The following SMARCC1 variants were observed in gnomAD, a reference collection of about 807,000 sequenced individuals.
SMARCC1 encodes the protein SWI/SNF related BAF chromatin remodeling complex subunit C1.
SMARCC1 carries 43 observed loss-of-function variants against 147.4 expected under a neutral mutation model. The observed-to-expected ratio is 0.29, with a 90% CI of 0.23 to 0.38. The LOEUF is 0.38. Among genes scored for constraint, SMARCC1 ranks in the 10% least tolerant of loss-of-function variants. The pLI is 1.00. For synonymous variants in SMARCC1, 495 were observed against 484.4 expected, an observed-to-expected ratio of 1.02 and a Z score of -0.29; for missense variants, 1,119 against 1,381.1, an observed-to-expected ratio of 0.81 and a Z score of 3.01.
intron 14 of SMARCC1, among the ~76,000 whole-genome samples, chr3:47,682,065 C>A (rs1422238222): frequency 2.0e-5 from 3 of 151,798 alleles, no homozygotes; most frequent in African/African-American, 4.8e-5. Flanking sequence ...GAAATTCACA[C>A]ACACACTTTT....
intron 26 of SMARCC1, among the ~76,000 whole-genome samples, chr3:47,607,521 T>C (rs2032495141): frequency 6.6e-6 from 1 of 152,146 alleles, no homozygotes; most frequent in Admixed American, 6.6e-5. Flanking sequence ...CAAGATGACT[T>C]TCACTAGACT....
At chr3:47,678,332 TCATAAGGTGGA>T in intron 15 of SMARCC1, 21 bp from the exon 16 acceptor site, 1 of 1,290,118 alleles carries the variant, frequency 7.8e-7, no homozygotes, top group South Asian at 1.3e-5. Flanking sequence ...ATGGCAAAAT[TCATAAGGTGGA>T]CATGTATCCT....
intron 5 of SMARCC1, among the ~76,000 whole-genome samples, chr3:47,729,598 C>T (rs1222195001): frequency 3.3e-5 from 5 of 152,134 alleles, no homozygotes; most frequent in African/African-American, 1.2e-4. Context: ...GTTGGTCAGG[C>T]TGGTCTTGAA....
At chr3:47,621,759 T>C (rs777531292) in intron 25 of SMARCC1, among the ~76,000 whole-genome samples, 24 of 148,514 alleles carry the variant, frequency 1.6e-4, no homozygotes, top group Non-Finnish European at 1.0e-4. Flanking sequence ...CATCATACAA[T>C]ATATCCATGT....
intron 24 of SMARCC1, among the ~76,000 whole-genome samples, chr3:47,625,348 G>T (rs926259146): frequency 1.3e-5 from 2 of 151,780 alleles, no homozygotes; most frequent in South Asian, 2.1e-4. Flanking sequence ...AAAAAAGAAA[G>T]ACCAGCCTCC....
At chr3:47,748,381 T>C (rs975734521) in intron 2 of SMARCC1, among the ~76,000 whole-genome samples, 1 of 151,776 alleles carries the variant, frequency 6.6e-6, no homozygotes, top group Non-Finnish European at 1.5e-5. Flanking sequence ...GCCTGGCTAA[T>C]TTTTTTTCTG....
intron 26 of SMARCC1, among the ~76,000 whole-genome samples, chr3:47,607,335 G>A (rs757840067): frequency 2.6e-5 from 4 of 152,022 alleles, no homozygotes; most frequent in African/African-American, 4.8e-5. Context: ...CCTGTTTTTC[G>A]GTAAAGTCAA....
At chr3:47,748,837 T>A (rs1183577983) in intron 2 of SMARCC1, among the ~76,000 whole-genome samples, 2 of 152,056 alleles carry the variant, frequency 1.3e-5, no homozygotes, top group Non-Finnish European at 2.9e-5. Context: ...AGAATGGTGG[T>A]TGCCAAGGAA....
chr3:47,590,891 G>T, intron 26 of SMARCC1, 54 bp from the exon 27 acceptor site: 1 of 1,470,044 alleles, frequency 6.8e-7, no homozygotes, highest in Non-Finnish European at 9.3e-7. Flanking sequence ...GTGTAAGAAA[G>T]GGATCAACTT....
intron 1 of SMARCC1, among the ~76,000 whole-genome samples, chr3:47,781,391 C>A (rs2035045855): frequency 6.6e-6 from 1 of 152,212 alleles, no homozygotes; most frequent in South Asian, 2.1e-4. Flanking sequence ...ACCATGGGTG[C>A]GTAGGCTCAG....
intron 1 of SMARCC1, among the ~76,000 whole-genome samples, chr3:47,775,411 C>T (rs1463775321): frequency 6.7e-6 from 1 of 149,412 alleles, no homozygotes. Flanking sequence ...TCGCCTGCCT[C>T]GGCCTCCCAA....
chr3:47,725,994 G>A (rs764748763), intron 6 of SMARCC1, among the ~76,000 whole-genome samples: 22 of 140,338 alleles, frequency 1.6e-4, no homozygotes, highest in Non-Finnish European at 2.9e-4. Flanking sequence ...CCTGGGAGGC[G>A]GAAGCTGCAG....
chr3:47,682,303 A>AC (rs1210566571), intron 14 of SMARCC1, among the ~76,000 whole-genome samples: 4 of 151,814 alleles, frequency 2.6e-5, no homozygotes, highest in African/African-American at 9.7e-5. Context: ...TCAAAAAAAA[A>AC]AAAAAAACAA....
Position 47,586,495 on chromosome 3 carries a change from GT to G in SMARCC1, c.*1713del, listed in dbSNP as rs2032073895. The G allele has an allele frequency of 6.6e-6, 1 of 152,556 alleles. No homozygotes were observed. Among genetic ancestry groups the G allele is most frequent in the African/African-American group, 2.4e-5 (1 of 41,436 alleles). 9.5% of individuals were successfully genotyped at this position (152,556 alleles called of 1,614,324 possible). ...AAGGACCAAGGTCTCCTCGGTTCCC[GT>G]ATTCCAGTACTCTGATGGTGACCAG... On this transcript the variant is annotated 3_prime_UTR_variant, in exon 28 of 28. Transcript: ENST00000254480.
chr3:47,690,467 G>C (rs1201631433), intron 12 of SMARCC1, among the ~76,000 whole-genome samples: 1 of 152,090 alleles, frequency 6.6e-6, no homozygotes, highest in Non-Finnish European at 1.5e-5. Flanking sequence ...CAAAAAGTAA[G>C]AAACCAAATC....
intron 10 of SMARCC1, among the ~76,000 whole-genome samples, chr3:47,705,959 A>G (rs2033987803): frequency 6.6e-6 from 1 of 152,178 alleles, no homozygotes; most frequent in South Asian, 2.1e-4. Flanking sequence ...TAAGTACAAA[A>G]GTGTAGCCCT....
chr3:47,709,845 A>C (rs1208044167), intron 9 of SMARCC1, among the ~76,000 whole-genome samples: 1 of 152,082 alleles, frequency 6.6e-6, no homozygotes, highest in African/African-American at 2.4e-5. Context: ...TCCTTCCACA[A>C]CTTGTGCCTT....
intron 7 of SMARCC1, among the ~76,000 whole-genome samples, chr3:47,718,575 G>C (rs1039770637): frequency 2.0e-5 from 3 of 152,192 alleles, no homozygotes; most frequent in South Asian, 2.1e-4. Flanking sequence ...GTGGGGGGTA[G>C]GGGCAAGGGA....
intron 24 of SMARCC1, among the ~76,000 whole-genome samples, chr3:47,627,128 G>T (rs938022082): frequency 3.9e-5 from 6 of 152,152 alleles, no homozygotes; most frequent in African/African-American, 1.4e-4. Flanking sequence ...ATCTGGAAAT[G>T]GGGAGCTTTT....
Sources: allele counts gnomAD v4.1 joint callset (sites outside exome capture counted in the v4.1 genomes callset), GRCh38; gene constraint gnomAD v4.1.1; transcripts MANE v1.5; gene names NCBI Gene and HGNC (gene_info 2026-07-23, HGNC 2026-07-21).